The following FBXW9 variants were observed in gnomAD, a reference collection of about 807,000 sequenced individuals.
FBXW9 encodes F-box/WD repeat-containing protein 9.
A neutral mutation model predicts 55.8 loss-of-function variants in FBXW9; 38 were observed. The ratio of observed to expected loss-of-function variants is 0.68; its 90% CI spans 0.53 to 0.89. The LOEUF (loss-of-function observed/expected upper bound fraction) is 0.89, where lower values mean the gene tolerates loss of function less well. FBXW9 is among the 40% of genes least tolerant of loss of function. The pLI, the probability that FBXW9 is intolerant of heterozygous loss-of-function variation, is 0.00. For missense variants in FBXW9, 590 were observed against 619.4 expected (o/e 0.95, Z 0.50); for synonymous variants, 289 against 278.2 (o/e 1.04, Z -0.38).
rs920555959 is a variant in FBXW9, at chr19:12,690,322, T to G, written c.884-212A>C. On this transcript the variant is annotated intron_variant, in intron 5 of 9. Coordinates refer to ENST00000393261, the MANE Select transcript of FBXW9 (RefSeq NM_032301.3). Reference sequence around the variant, plus strand: ...AGGCCTCTGCCCATCCCCGTCCACATCCCATATCCCTCCTCCGATCCCATC... The same window carrying G: ...AGGCCTCTGCCCATCCCCGTCCACAGCCCATATCCCTCCTCCGATCCCATC... 4.2e-6 allele frequency: 3 copies of G among 718,978 alleles called. No homozygotes were observed. In the African/African-American group the frequency reaches 5.3e-5, roughly 13 times the overall value. The allele number at this position is 718,978 out of a possible 1,614,324, so 44.5% of individuals were successfully genotyped here. A position where few individuals can be genotyped will look rare whatever the true frequency, so the allele number is the denominator to read the frequency against.
At chr19:12,695,067 C>G (rs1399414505) in intron 1 of FBXW9, 129 bp from the exon 2 acceptor site, 3 of 1,070,830 alleles carry the variant, frequency 2.8e-6, no homozygotes, top group Non-Finnish European at 3.9e-6. Flanking sequence ...CATGGAGATC[C>G]CTACTCCCAC....
chr19:12,696,383 C>G lies in FBXW9; in HGVS notation c.199G>C (p.Ala67Pro). Residue 67 changes from alanine (A) to proline (P), a missense_variant, in exon 1 of 10, where the codon GCC becomes CCC. Coordinates refer to ENST00000393261, the MANE Select transcript of FBXW9 (RefSeq NM_032301.3). ...AASPSASEPR[A>P]ASRVSAVSEP... ...CTTACGGCCGAAACCCTGGACGCGG[C>G]CCGAGGCTCCGAAGCGCTCGGGGAC... The G allele has an allele frequency of 1.2e-6, 2 of 1,611,012 alleles. No homozygotes were observed. Among genetic ancestry groups the G allele is most frequent in the Non-Finnish European group, 1.7e-6 (2 of 1,179,248 alleles).
chr19:12,691,138 A>C, intron 5 of FBXW9, 28 bp downstream of exon 5: 1 of 1,596,198 alleles, frequency 6.3e-7, no homozygotes, highest in African/African-American at 1.3e-5. Flanking sequence ...GACATCTCCC[A>C]ACCTGGGCCC....
intron 5 of FBXW9, 145 bp from the exon 6 acceptor site, chr19:12,690,255 C>T: frequency 1.2e-5 from 17 of 1,369,458 alleles, no homozygotes; most frequent in Non-Finnish European, 1.7e-5. Context: ...ACCCATCTCT[C>T]CTCTCCCGCC....
In FBXW9 at chr19:12,691,317, GC is replaced by G. The variant is rs754544860; in HGVS notation, c.791+24del. ...GCCAGACAGGGTCCTATCCCCGCAGGCCCCCTGCCCAGGCCCCCACACACTT... is the reference window on the plus strand; with the variant it reads ...GCCAGACAGGGTCCTATCCCCGCAGGCCCCTGCCCAGGCCCCCACACACTT... On this transcript the variant is annotated intron_variant, in intron 4 of 9. Coordinates refer to ENST00000393261, the MANE Select transcript of FBXW9 (RefSeq NM_032301.3). 45 of 1,612,530 alleles carry G rather than the reference GC, an allele frequency of 2.8e-5. No individual in the cohort carries two copies. The East Asian group carries it at 1.0e-3, about 36-fold the overall frequency.
chr19:12,695,140 G>A (rs2025058234), intron 1 of FBXW9, among the ~76,000 whole-genome samples: 1 of 152,138 alleles, frequency 6.6e-6, no homozygotes, highest in African/African-American at 2.4e-5. Context: ...GGCAGGTCTA[G>A]GACTACTCAC....
At chr19:12,693,525 AAAAAATATATATATAT>A (rs2025032490) in intron 3 of FBXW9, among the ~76,000 whole-genome samples, 1 of 25,984 alleles carries the variant, frequency 3.8e-5, no homozygotes, top group Non-Finnish European at 7.8e-5. Context: ...AAAAAAAAAA[AAAAAATATATATATAT>A]ATATATATAT....
chr19:12,691,011 T>C (rs1318372271), intron 5 of FBXW9, among the ~76,000 whole-genome samples, 155 bp downstream of exon 5: 2 of 152,198 alleles, frequency 1.3e-5, no homozygotes, highest in Non-Finnish European at 2.9e-5. Context: ...CTTCACCCGC[T>C]GCCCAAGTTG....
intron 5 of FBXW9, 58 bp from the exon 6 acceptor site, chr19:12,690,168 A>G: frequency 6.4e-7 from 1 of 1,552,248 alleles, no homozygotes; most frequent in Non-Finnish European, 8.7e-7. Flanking sequence ...GGCCCCCCCC[A>G]GCCCATGAGA....
At position 12,689,120 on chromosome 19, in the gene FBXW9, G is replaced by A. The variant is rs765354683; in HGVS notation, c.*96C>T. The A allele has an allele frequency of 9.9e-6, 10 of 1,012,248 alleles. No homozygotes were observed. Among genetic ancestry groups the A allele is most frequent in the Admixed American group, 5.2e-5 (3 of 58,210 alleles). The allele number at this position is 1,012,248 out of a possible 1,614,324, so 62.7% of individuals were successfully genotyped here. On this transcript the variant is annotated 3_prime_UTR_variant, in exon 10 of 10. Transcript: ENST00000393261. This position sits in a 1 kb window ranked among gnomAD's most constrained non-coding sequence, Gnocchi z 5.9. Reference sequence around the variant, plus strand: ...GGGACTCCTTGTGCCCTAGGCCCACGGGGCGGAGGCAGCACCAACATTGGG... The same window carrying A: ...GGGACTCCTTGTGCCCTAGGCCCACAGGGCGGAGGCAGCACCAACATTGGG...
chr19:12,691,339 C>T lies in FBXW9; in HGVS notation c.791+3G>A, dbSNP rs45478502. 1.2e-6 allele frequency: 2 copies of T among 1,613,824 alleles called. No individual in the cohort carries two copies. Among genetic ancestry groups the T allele is most frequent in the Non-Finnish European group, 8.5e-7 (1 of 1,179,798 alleles). ...CAGGCCCCCTGCCCAGGCCCCCACA[C>T]ACTTTATCTCGCCGAACTGCTGCCC... On this transcript the variant is annotated splice_donor_region_variant and intron_variant, in intron 4 of 9. Coordinates refer to ENST00000393261, the MANE Select transcript of FBXW9 (RefSeq NM_032301.3).
In FBXW9 at chr19:12,696,492, G is replaced by A. The variant is rs2025073165; in HGVS notation, c.90C>T (p.Ala30=). Residue 30 remains alanine, a synonymous_variant, in exon 1 of 10, where the codon GCC becomes GCT. Transcript: ENST00000393261. ...PESETDPDAQ[A]KAYVARVLSP... ...TGAGAACGCGGGCCACGTAGGCCTT[G>A]GCCTGCGCGTCTGGGTCTGTCTCTG... is the stretch of plus-strand genomic sequence containing the variant. 6.2e-7 allele frequency: 1 copy of A among 1,612,840 alleles called. No homozygotes were observed. Among genetic ancestry groups the A allele is most frequent in the African/African-American group, 1.3e-5 (1 of 75,072 alleles).
Position 12,690,073 on chromosome 19 carries a change from G to T in FBXW9, c.921C>A (p.Ser307=). 6.2e-7 allele frequency: 1 copy of T among 1,614,038 alleles called. No individual in the cohort carries two copies. The highest frequency in any genetic ancestry group is 8.5e-7 in the Non-Finnish European group (1 of 1,180,034). ...CCGCCAGCAGGGTCAGCACGGGTCT[G>T]GAGTGTAGTTGCTGGTGCTTCAACA... ...PALLKHQQLH[S]RPVLTLLADD... is the part of the protein sequence containing the mutation. Residue 307 remains serine (S), a synonymous_variant, in exon 6 of 10, where the codon TCC becomes TCA. Transcript: ENST00000393261.
Position 12,689,763 on chromosome 19 carries a change from G to A in FBXW9, c.1144C>T (p.Arg382Trp), listed in dbSNP as rs1047756662. ...ANRNGCFQLIRSFDVGHSFPI... is the reference protein window; with the variant it reads ...ANRNGCFQLIWSFDVGHSFPI... Reference sequence around the variant, plus strand: ...CAGGGGCAGGAGCTCCAGCAGACCCGGATAAGCTGGAAGCAGCCGTTGCGG... The same window carrying A: ...CAGGGGCAGGAGCTCCAGCAGACCCAGATAAGCTGGAAGCAGCCGTTGCGG... Residue 382 changes from arginine (R) to tryptophan (W), a missense_variant and splice_region_variant, in exon 7 of 10, where the codon CGG becomes TGG. Arg to Trp is a moderately radical substitution (Grantham distance 101). Transcript: ENST00000393261. The surrounding 1 kb of genome is among the most constrained non-coding windows in gnomAD (Gnocchi z 5.9). The A allele has an allele frequency of 8.1e-6, 13 of 1,613,854 alleles. No homozygotes were observed. Among genetic ancestry groups the A allele is most frequent in the East Asian group, 4.5e-5 (2 of 44,894 alleles).
In FBXW9 at chr19:12,690,091, C is replaced by T; in HGVS notation, c.903G>A (p.Lys301=). The T allele has an allele frequency of 6.2e-7, 1 of 1,613,894 alleles. No individual in the cohort carries two copies. Among genetic ancestry groups the T allele is most frequent in the East Asian group, 2.2e-5 (1 of 44,868 alleles). The change falls in exon 6 of 10, where the codon AAG becomes AAA. Residue 301 remains lysine (K), a synonymous_variant. Transcript: ENST00000393261. ...YDPRAGPALL[K]HQQLHSRPVL... is the part of the protein sequence containing the mutation. ...CGGGTCTGGAGTGTAGTTGCTGGTG[C>T]TTCAACAGGGCTGGGCCGGCTTCAT... is the stretch of plus-strand genomic sequence containing the variant.
chr19:12,691,586 C>T lies in FBXW9; in HGVS notation c.679-132G>A, dbSNP rs188398470. ...CCAAAGCCACATAGCTCTTCCTCCC[C>T]AGTGCCCATGGTGATAGATGCTGCA... On this transcript the variant is annotated intron_variant, in intron 3 of 9. Coordinates refer to ENST00000393261, the MANE Select transcript of FBXW9 (RefSeq NM_032301.3). 12 of 699,412 alleles carry T rather than the reference C, an allele frequency of 1.7e-5. No homozygotes were observed. In the Admixed American group the frequency reaches 2.7e-4, roughly 16 times the overall value. The allele number at this position is 699,412 out of a possible 1,614,324, so 43.3% of individuals were successfully genotyped here.
In FBXW9 at chr19:12,689,894, C is replaced by A; in HGVS notation, c.1033-20G>T. 6.2e-7 allele frequency: 1 copy of A among 1,613,094 alleles called. No individual in the cohort carries two copies. On this transcript the variant is annotated intron_variant, in intron 6 of 9. Transcript: ENST00000393261. This position sits in a 1 kb window ranked among gnomAD's most constrained non-coding sequence, Gnocchi z 5.9. ...GTCCAGCTACGAGAGGGACAAGGGA[C>A]GGGACAGCTCAGGCCGGGCTGGGCC...
chr19:12,691,600 A>G, intron 3 of FBXW9, 146 bp from the exon 4 acceptor site: 1 of 662,554 alleles, frequency 1.5e-6, no homozygotes, highest in Non-Finnish European at 2.6e-6. Flanking sequence ...GCCCATGGTG[A>G]TAGATGCTGC....
At chr19:12,695,661 C>A (rs1367226582) in intron 1 of FBXW9, among the ~76,000 whole-genome samples, 1 of 152,154 alleles carries the variant, frequency 6.6e-6, no homozygotes, top group Non-Finnish European at 1.5e-5. Flanking sequence ...CCCTCAGGAA[C>A]CAATCAACTC....
Sources: gnomAD v4.1 joint callset for allele counts (sites outside exome capture counted in the v4.1 genomes callset) on GRCh38, gnomAD v4.1.1 for gene constraint, Gnocchi (gnomAD v3.1) non-coding constraint, MANE v1.5 for transcripts, NCBI Gene and HGNC (gene_info 2026-07-23, HGNC 2026-07-21) for gene names.